Variants in INF2 observed in about 807,000 individuals in gnomAD.
INF2 encodes the protein inverted formin-2.
Under a neutral mutation model 123.5 loss-of-function variants are expected in INF2, and 43 were observed. That is an observed-to-expected ratio of 0.35 (90% CI 0.27 to 0.45). INF2 has a LOEUF of 0.45. INF2 is among the 20% of genes least tolerant of loss of function. INF2 has a pLI of 1.00. For synonymous variants in INF2, 851 were observed against 745.0 expected (o/e 1.14, Z -2.32); for missense variants, 1,453 against 1,682.7 (o/e 0.86, Z 2.39).
chr14:104,707,549 C>G lies in INF2; in HGVS notation c.1282C>G (p.Pro428Ala). Residue 428 changes from proline to alanine, a missense_variant, in exon 8 of 23, where the codon CCC becomes GCC. Coordinates refer to ENST00000392634, the MANE Select transcript of INF2 (RefSeq NM_022489.4). ...ASTPPPPPPPPLLPGSSAEPP... is the reference protein window; with the variant it reads ...ASTPPPPPPPALLPGSSAEPP... ...CACCCCACCCCCACCCCCACCCCCACCCCTGCTCCCTGGTTCCAGTGCCGA... is the reference window on the plus strand; with the variant it reads ...CACCCCACCCCCACCCCCACCCCCAGCCCTGCTCCCTGGTTCCAGTGCCGA... The G allele has an allele frequency of 8.6e-7, 1 of 1,168,504 alleles. No homozygotes were observed. The allele number at this position is 1,168,504 out of a possible 1,614,324, so 72.4% of individuals were successfully genotyped here. A position where few individuals can be genotyped will look rare whatever the true frequency, so the allele number is the denominator to read the frequency against.
intron 1 of INF2, among the ~76,000 whole-genome samples, chr14:104,692,420 A>T (rs575020943): frequency 1.3e-5 from 2 of 152,192 alleles, no homozygotes; most frequent in African/African-American, 4.8e-5. Flanking sequence ...CAGGGCACTT[A>T]CTGGGGGTCA....
chr14:104,684,236 G>A lies in INF2; in HGVS notation c.-104+2654G>A. 1 of 434,210 alleles carries A rather than the reference G, an allele frequency of 2.3e-6. No individual in the cohort carries two copies. The highest frequency in any genetic ancestry group is 1.6e-5 in the South Asian group (1 of 61,044). The allele number at this position is 434,210 out of a possible 1,614,324, so 26.9% of individuals were successfully genotyped here. ...AGGCAACCGAGAAGGAGGCTGGGGAGGGACAGCTCGAGGGCTCACTGGAGG... is the reference window on the plus strand; with the variant it reads ...AGGCAACCGAGAAGGAGGCTGGGGAAGGACAGCTCGAGGGCTCACTGGAGG... On this transcript the variant is annotated intron_variant, in intron 1 of 2. Transcript: ENST00000674723. The surrounding 1 kb of genome is among the most constrained non-coding windows in gnomAD (Gnocchi z 5.0).
intron 4 of INF2, 96 bp from the exon 5 acceptor site, chr14:104,703,819 GC>G: frequency 6.3e-7 from 1 of 1,594,764 alleles, no homozygotes; most frequent in Non-Finnish European, 8.5e-7. Flanking sequence ...TCCCATGAGT[GC>G]AGCAGGGCAG....
chr14:104,714,168 G>C (rs992903801), intron 20 of INF2, 35 bp from the exon 21 acceptor site: 3 of 1,461,014 alleles, frequency 2.1e-6, no homozygotes, highest in Non-Finnish European at 1.8e-6. Context: ...CGGGGGCAGG[G>C]TGCCTGCCCT....
At chr14:104,688,435 G>C (rs868225457), upstream of INF2, among the ~76,000 whole-genome samples, 3 of 152,352 alleles carry the variant, frequency 2.0e-5, no homozygotes, top group South Asian at 6.2e-4. Context: ...CCATTCAGGA[G>C]CCCTTTTCTC....
chr14:104,682,979 C>T lies in INF2; in HGVS notation c.-104+1397C>T, dbSNP rs545971577. Among the ~76,000 whole-genome samples the T allele has an allele frequency of 1.2e-3, 187 of 151,960 alleles. 2 individuals carry two copies. The highest frequency in any genetic ancestry group is 3.1e-3 in the Admixed American group (47 of 15,278). On this transcript the variant is annotated intron_variant, in intron 1 of 2. Coordinates refer to the INF2 transcript ENST00000674723. ...GATAGCTCAGAGTAACACGGCTATA[C>T]GGCACTCAGGGTTGGAAGGGGAGCC...
chr14:104,717,864 G>A (rs1162712066), intron 22 of INF2, among the ~76,000 whole-genome samples: 2 of 151,750 alleles, frequency 1.3e-5, no homozygotes, highest in Non-Finnish European at 1.5e-5. Flanking sequence ...GCCGCCCCTC[G>A]TCCGAGCGTT....
At chr14:104,710,861 A>C in intron 13 of INF2, 76 bp from the exon 14 acceptor site, 1 of 1,314,364 alleles carries the variant, frequency 7.6e-7, no homozygotes, top group Non-Finnish European at 1.1e-6. Context: ...ACTGGCAAGC[A>C]GGACCACACC....
At chr14:104,708,115 G>C in intron 8 of INF2, 113 bp downstream of exon 8, 1 of 1,508,850 alleles carries the variant, frequency 6.6e-7, no homozygotes, top group East Asian at 2.4e-5. Context: ...CCCGTGCGTG[G>C]CCAGGGCAGC....
At chr14:104,712,798 C>T (rs1229609908) in intron 17 of INF2, 30 bp from the exon 18 acceptor site, 2 of 1,587,162 alleles carry the variant, frequency 1.3e-6, no homozygotes, top group Middle Eastern at 1.7e-4. Context: ...GCGGGGCTCT[C>T]ACGGGACTGT....
At chr14:104,686,717 G>A (rs907857241), upstream of INF2, among the ~76,000 whole-genome samples, 1 of 152,202 alleles carries the variant, frequency 6.6e-6, no homozygotes, top group South Asian at 2.1e-4. Context: ...CTGCTCAGGT[G>A]GACCCCAGGA....
At chr14:104,704,745 T>A (rs1490147483) in intron 5 of INF2, 1 of 152,244 alleles carries the variant, frequency 6.6e-6, no homozygotes, top group Non-Finnish European at 1.5e-5. Flanking sequence ...CGTTACACAG[T>A]GTACCATGTG....
In INF2 at chr14:104,711,755, C is replaced by T. The variant is rs1028819848; in HGVS notation, c.2489+56C>T. On this transcript the variant is annotated intron_variant, in intron 16 of 22. Coordinates refer to ENST00000392634, the MANE Select transcript of INF2 (RefSeq NM_022489.4). Reference sequence around the variant, plus strand: ...AGCCAGGTGGGGGCCTGACTTCTGTCCCCAGGCAGTGAGGTGGCTGCCCGC... The same window carrying T: ...AGCCAGGTGGGGGCCTGACTTCTGTTCCCAGGCAGTGAGGTGGCTGCCCGC... The T allele has an allele frequency of 5.8e-6, 9 of 1,541,606 alleles. No homozygotes were observed. In the Admixed American group the frequency reaches 1.2e-4, roughly 21 times the overall value.
intron 1 of INF2, among the ~76,000 whole-genome samples, chr14:104,700,663 C>T (rs1889435385): frequency 6.6e-6 from 1 of 152,080 alleles, no homozygotes; most frequent in Non-Finnish European, 1.5e-5. Context: ...TGTTACCTAC[C>T]CGGGTGTTCC....
At chr14:104,697,136 C>G (rs999113975) in intron 1 of INF2, among the ~76,000 whole-genome samples, 5 of 152,228 alleles carry the variant, frequency 3.3e-5, no homozygotes, top group African/African-American at 1.2e-4. Flanking sequence ...GGGGACTTCA[C>G]AGGGGAGGGG....
chr14:104,703,039 C>T (rs1355088714), intron 2 of INF2, 66 bp from the exon 3 acceptor site: 23 of 1,349,690 alleles, frequency 1.7e-5, no homozygotes, highest in Non-Finnish European at 2.4e-5. Flanking sequence ...CAGCCCTGAG[C>T]CCAGCTGCAC....
chr14:104,708,763 C>G (rs1219642278), intron 10 of INF2, 31 bp downstream of exon 10: 1 of 1,608,428 alleles, frequency 6.2e-7, no homozygotes, highest in Non-Finnish European at 8.5e-7. Flanking sequence ...CCATCCCAGG[C>G]CACGGAGCCT....
upstream of INF2, chr14:104,689,269 T>TCCCAC (rs1034162725): frequency 8.0e-5 from 79 of 984,946 alleles, no homozygotes; most frequent in African/African-American, 1.3e-3. Context: ...GGGAGGCCAG[T>TCCCAC]CCCACCGGAG....
rs760285939 is a variant in INF2, at chr14:104,714,732, C to A, written c.3570C>A (p.Asp1190Glu). 2 of 1,604,648 alleles carry A rather than the reference C, an allele frequency of 1.2e-6. No homozygotes were observed. The highest frequency in any genetic ancestry group is 1.7e-6 in the Non-Finnish European group (2 of 1,175,134). The change falls in exon 21 of 23, where the codon GAC (aspartate) becomes GAA (glutamate). Residue 1190 changes from aspartate to glutamate, a missense_variant. Physicochemically the swap from Asp to Glu is conservative, Grantham distance 45. Around this residue, in one of 8 missense-constraint regions of INF2, gnomAD observed 344 missense variants for 333.1 expected, o/e 1.03. Transcript: ENST00000392634. ...APESALDTSL[D>E]KSFSEDAVTD... ...AGTCCGCACTGGACACATCCCTGGA[C>A]AAGTCCTTCTCCGAGGATGCGGTGA... is the stretch of plus-strand genomic sequence containing the variant.
Sources: gnomAD v4.1 joint callset for allele counts (sites outside exome capture counted in the v4.1 genomes callset) on GRCh38, gnomAD v4.1.1 for gene constraint, gnomAD v4.1.1 regional missense constraint, Gnocchi (gnomAD v3.1) non-coding constraint, MANE v1.5 for transcripts, NCBI Gene and HGNC (gene_info 2026-07-23, HGNC 2026-07-21) for gene names.